Variants in RALGAPA2 observed in about 807,000 individuals in gnomAD.
RALGAPA2 encodes ral GTPase-activating protein subunit alpha-2.
A neutral mutation model predicts 230.4 loss-of-function variants in RALGAPA2; 139 were observed. That is an observed-to-expected ratio of 0.60 (90% CI 0.53 to 0.69). The LOEUF is 0.69. Among genes scored for constraint, RALGAPA2 ranks in the 30% least tolerant of loss-of-function variants. The pLI, the probability that RALGAPA2 is intolerant of heterozygous loss-of-function variation, is 0.00. For missense variants in RALGAPA2, 2,163 were observed against 2,276.0 expected, an observed-to-expected ratio of 0.95 and a Z score of 1.01; for synonymous variants, 847 against 837.8, an observed-to-expected ratio of 1.01 and a Z score of -0.19.
intron 37 of RALGAPA2, among the ~76,000 whole-genome samples, chr20:20,435,252 T>C (rs2060584554): frequency 1.3e-5 from 2 of 152,062 alleles, no homozygotes; most frequent in South Asian, 4.1e-4. Flanking sequence ...ATGGGAGGCA[T>C]GGGAGGGACA....
At chr20:20,541,508 T>C (rs2063640540) in intron 24 of RALGAPA2, among the ~76,000 whole-genome samples, 1 of 152,120 alleles carries the variant, frequency 6.6e-6, no homozygotes, top group African/African-American at 2.4e-5. Flanking sequence ...GTCCACCTAA[T>C]AACAGATATG....
chr20:20,629,633 C>T lies in RALGAPA2; in HGVS notation c.1006-43G>A, dbSNP rs1428062130. 1.9e-6 allele frequency: 3 copies of T among 1,587,914 alleles called. No individual in the cohort carries two copies. The African/African-American group carries it at 4.0e-5, about 21-fold the overall frequency. ...CACTTCTCAATGATGCTCACCCCCA[C>T]TCAAGAACACCTGGCAAAACTTCAG... On this transcript the variant is annotated intron_variant, in intron 9 of 39. Coordinates refer to ENST00000202677, the MANE Select transcript of RALGAPA2 (RefSeq NM_020343.4).
chr20:20,605,090 T>C, intron 15 of RALGAPA2, 85 bp downstream of exon 15: 1 of 1,138,940 alleles, frequency 8.8e-7, no homozygotes, highest in East Asian at 2.6e-5. Context: ...ATTATAAAAT[T>C]TCGCGCATTA....
chr20:20,442,840 G>A (rs1314298499), intron 37 of RALGAPA2, among the ~76,000 whole-genome samples: 6 of 152,248 alleles, frequency 3.9e-5, no homozygotes, highest in Non-Finnish European at 8.8e-5. Context: ...GAAAAATTGT[G>A]TGATGCCCAC....
intron 3 of RALGAPA2, among the ~76,000 whole-genome samples, chr20:20,675,029 ATAAT>A (rs1253315623): frequency 2.6e-5 from 4 of 152,228 alleles, no homozygotes; most frequent in Non-Finnish European, 5.9e-5. Context: ...CATAAATAAT[ATAAT>A]TAAGTTGATA....
chr20:20,598,706 A>G (rs2146180207), intron 16 of RALGAPA2: 1 of 456,504 alleles, frequency 2.2e-6, no homozygotes, highest in East Asian at 7.0e-5. Flanking sequence ...CAAGAAGAGT[A>G]AGAGAGACCA....
chr20:20,630,472 T>C (rs1454009292), intron 9 of RALGAPA2, among the ~76,000 whole-genome samples: 1 of 152,188 alleles, frequency 6.6e-6, no homozygotes, highest in Non-Finnish European at 1.5e-5. Flanking sequence ...TATCCAATAG[T>C]AATCTCTAGA....
intron 16 of RALGAPA2, among the ~76,000 whole-genome samples, chr20:20,596,043 G>GA (rs1270798999): frequency 1.3e-5 from 2 of 151,954 alleles, no homozygotes; most frequent in Non-Finnish European, 2.9e-5. Flanking sequence ...ACAAATAAAA[G>GA]AAAATCACAA....
chr20:20,473,694 T>A (rs1052367474), intron 36 of RALGAPA2, among the ~76,000 whole-genome samples: 2 of 152,224 alleles, frequency 1.3e-5, no homozygotes, highest in Non-Finnish European at 2.9e-5. Context: ...ATTTCTGTTA[T>A]GTGGAAAACT....
chr20:20,552,154 A>T (rs2063944001), intron 23 of RALGAPA2, among the ~76,000 whole-genome samples: 1 of 152,206 alleles, frequency 6.6e-6, no homozygotes, highest in Non-Finnish European at 1.5e-5. Flanking sequence ...AAATGTTGCA[A>T]CTGTACTTTC....
chr20:20,639,502 G>T (rs936426396), intron 7 of RALGAPA2, among the ~76,000 whole-genome samples: 6 of 152,078 alleles, frequency 3.9e-5, no homozygotes, highest in African/African-American at 1.4e-4. Flanking sequence ...CTCTGGGCCC[G>T]CCTCCTCCTT....
chr20:20,394,991 T>G (rs1033492988), intron 39 of RALGAPA2, among the ~76,000 whole-genome samples: 4 of 151,522 alleles, frequency 2.6e-5, no homozygotes, highest in African/African-American at 9.7e-5. Context: ...AGGAAAACAT[T>G]TTAGTTCCTC....
At chr20:20,673,710 A>G (rs577638378) in intron 3 of RALGAPA2, among the ~76,000 whole-genome samples, 2 of 152,288 alleles carry the variant, frequency 1.3e-5, no homozygotes, top group South Asian at 4.1e-4. Flanking sequence ...GAAAGGTAAA[A>G]AAAACATTTC....
At chr20:20,454,430 G>C (rs1441080401) in intron 37 of RALGAPA2, among the ~76,000 whole-genome samples, 1 of 152,178 alleles carries the variant, frequency 6.6e-6, no homozygotes, top group Non-Finnish European at 1.5e-5. Flanking sequence ...CTCCTTATAG[G>C]ACCAGCACAC....
At chr20:20,393,444 T>G (rs181226996) in intron 39 of RALGAPA2, among the ~76,000 whole-genome samples, 191 bp from the exon 40 acceptor site, 18 of 152,366 alleles carry the variant, frequency 1.2e-4, no homozygotes, top group African/African-American at 3.6e-4. Flanking sequence ...TTCTTCTTAT[T>G]CTTTGCCCTG....
At chr20:20,563,252 G>A (rs987000693) in intron 23 of RALGAPA2, among the ~76,000 whole-genome samples, 2 of 152,068 alleles carry the variant, frequency 1.3e-5, no homozygotes, top group African/African-American at 4.8e-5. Flanking sequence ...TCATTAACTT[G>A]AGTAAAGTAA....
chr20:20,689,285 G>A (rs2068814877), intron 1 of RALGAPA2, among the ~76,000 whole-genome samples: 1 of 152,088 alleles, frequency 6.6e-6, no homozygotes, highest in Non-Finnish European at 1.5e-5. Flanking sequence ...TATATATTAT[G>A]CCTGCTACAA....
chr20:20,661,884 T>C (rs2067793751), intron 3 of RALGAPA2, among the ~76,000 whole-genome samples: 1 of 152,176 alleles, frequency 6.6e-6, no homozygotes, highest in South Asian at 2.1e-4. Flanking sequence ...AGGTTAAATA[T>C]GTAATTTACG....
chr20:20,395,545 TGGGAGG>T (rs2059695144), intron 39 of RALGAPA2, among the ~76,000 whole-genome samples: 1 of 152,186 alleles, frequency 6.6e-6, no homozygotes, highest in Non-Finnish European at 1.5e-5. Flanking sequence ...GGTGCCCTGC[TGGGAGG>T]GGACTGTACA....
Sources: gnomAD v4.1 joint callset for allele counts (sites outside exome capture counted in the v4.1 genomes callset) on GRCh38, gnomAD v4.1.1 for gene constraint, MANE v1.5 for transcripts, NCBI Gene and HGNC (gene_info 2026-07-23, HGNC 2026-07-21) for gene names.